The following CECR2 variants were observed in gnomAD, a reference collection of about 807,000 sequenced individuals.
The protein encoded by CECR2 is CECR2 histone acetyl-lysine reader.
A neutral mutation model predicts 154.5 loss-of-function variants in CECR2; 30 were observed. That is an observed-to-expected ratio of 0.19 (90% CI 0.15 to 0.26). CECR2 has a LOEUF of 0.26. CECR2 is among the 10% of genes least tolerant of loss of function. The pLI, the probability that CECR2 is intolerant of heterozygous loss-of-function variation, is 1.00. For missense variants in CECR2, 1,743 were observed against 1,829.3 expected (o/e 0.95, Z 0.86); for synonymous variants, 725 against 683.7 (o/e 1.06, Z -0.94).
intron 8 of CECR2, among the ~76,000 whole-genome samples, chr22:17,515,490 G>A (rs2056035095): frequency 6.6e-6 from 1 of 152,158 alleles, no homozygotes. Context: ...ATTTGCTTCA[G>A]GCTTTTCCTC....
At chr22:17,480,202 A>C (rs1291827242) in intron 2 of CECR2, among the ~76,000 whole-genome samples, 1 of 151,984 alleles carries the variant, frequency 6.6e-6, no homozygotes, top group Non-Finnish European at 1.5e-5. Context: ...TTCAGTGTTA[A>C]TACTGATGTC....
At chr22:17,403,943 A>T (rs1246376589) in intron 1 of CECR2, among the ~76,000 whole-genome samples, 1 of 151,926 alleles carries the variant, frequency 6.6e-6, no homozygotes, top group South Asian at 2.1e-4. Flanking sequence ...GGGAGGGGGC[A>T]TGTGTTTAGT....
At chr22:17,512,411 A>T (rs965604976) in intron 8 of CECR2, among the ~76,000 whole-genome samples, 4 of 151,866 alleles carry the variant, frequency 2.6e-5, no homozygotes, top group Admixed American at 2.6e-4. Flanking sequence ...AAAAAACAGT[A>T]TATATTAGAG....
At chr22:17,503,359 T>A (rs2055775109) in intron 6 of CECR2, among the ~76,000 whole-genome samples, 1 of 152,202 alleles carries the variant, frequency 6.6e-6, no homozygotes, top group African/African-American at 2.4e-5. Context: ...GTGCCCTGTT[T>A]ACTGGGGACA....
chr22:17,503,031 A>G, intron 5 of CECR2, 51 bp from the exon 6 acceptor site: 2 of 1,569,838 alleles, frequency 1.3e-6, no homozygotes, highest in East Asian at 2.3e-5. Flanking sequence ...GCACAGAACA[A>G]TTTTGGACCT....
At chr22:17,389,715 C>G (rs1313542560) in intron 1 of CECR2, among the ~76,000 whole-genome samples, 1 of 152,156 alleles carries the variant, frequency 6.6e-6, no homozygotes, top group African/African-American at 2.4e-5. Flanking sequence ...GCAACCTCCG[C>G]CTCCTGGGTT....
intron 1 of CECR2, among the ~76,000 whole-genome samples, chr22:17,407,944 G>C (rs1185055933): frequency 1.3e-5 from 2 of 152,112 alleles, no homozygotes; most frequent in Non-Finnish European, 2.9e-5. Flanking sequence ...TTAGAACATG[G>C]GTGTCCGAAA....
rs963853351 is a variant in CECR2, at chr22:17,477,249, A to G, written c.127-339A>G. The G allele has an allele frequency of 1.2e-5, 8 of 657,858 alleles. No individual in the cohort carries two copies. The East Asian group carries it at 1.6e-4, about 13-fold the overall frequency. The allele number at this position is 657,858 out of a possible 1,614,324, so 40.8% of individuals were successfully genotyped here. On this transcript the variant is annotated intron_variant, in intron 1 of 18. Coordinates refer to ENST00000262608, the MANE Select transcript of CECR2 (RefSeq NM_001290047.2). ...TAAAATAGCAGTACAGCACATTTGT[A>G]TTTATACTCGATTATATATAATCAA...
At chr22:17,539,887 G>A (rs532917565) in intron 13 of CECR2, among the ~76,000 whole-genome samples, 4 of 152,244 alleles carry the variant, frequency 2.6e-5, no homozygotes, top group Admixed American at 2.0e-4. Flanking sequence ...AAGCAGGAGT[G>A]CAGTAGGGCA....
rs1420033817 is a variant in CECR2, at chr22:17,405,047, T to G, written c.126+35138T>G. Among the ~76,000 whole-genome samples, 4 of 152,314 alleles carry G rather than the reference T, an allele frequency of 2.6e-5. No individual in the cohort carries two copies. The East Asian group carries it at 7.7e-4, about 29-fold the overall frequency. On this transcript the variant is annotated intron_variant, in intron 1 of 18. Transcript: ENST00000262608. ...TTTTATATTCAAATTCTCAACTCTT[T>G]AGGTATCTCCCATCTTTTGTCAGAT...
Position 17,542,208 on chromosome 22 carries a change from G to A in CECR2, c.2065G>A (p.Glu689Lys). The change falls in exon 16 of 19, where the codon GAG (glutamate) becomes AAG (lysine). Residue 689 changes from glutamate to lysine, a missense_variant. By Grantham distance (56) the Glu-to-Lys change is moderately conservative. This residue lies in a region of CECR2 where 1,250 missense variants were observed against 1,192.1 expected (regional missense o/e 1.05). Transcript: ENST00000262608. ...AGGACCCAGGCTAGGCACACCAGAG[G>A]AGAAGCAAATGTGCGGGGGGCTGAC... ...LRGPRLGTPE[E>K]KQMCGGLTHL... is the part of the protein sequence containing the mutation. 1 of 1,613,032 alleles carries A rather than the reference G, an allele frequency of 6.2e-7. No homozygotes were observed. Among genetic ancestry groups the A allele is most frequent in the Admixed American group, 1.7e-5 (1 of 59,866 alleles).
chr22:17,436,057 C>G lies in CECR2; in HGVS notation c.127-41531C>G, dbSNP rs139465945. On this transcript the variant is annotated intron_variant, in intron 1 of 18. Coordinates refer to ENST00000262608, the MANE Select transcript of CECR2 (RefSeq NM_001290047.2). ...CACTGCAACCTCCGCCTCCTGAGTT[C>G]AAGAGATTCTCCTGCCTCAGCCTCC... Among the ~76,000 whole-genome samples, 7 of 152,282 alleles carry G rather than the reference C, an allele frequency of 4.6e-5. No homozygotes were observed. In the East Asian group the frequency reaches 1.4e-3, roughly 29 times the overall value.
chr22:17,498,687 C>T (rs1038926037), intron 3 of CECR2, among the ~76,000 whole-genome samples: 36 of 152,156 alleles, frequency 2.4e-4, no homozygotes, highest in African/African-American at 8.2e-4. Context: ...GAGGTTATGC[C>T]GGAACTGCCA....
At chr22:17,551,060 A>G (rs1022864346) in intron 17 of CECR2, among the ~76,000 whole-genome samples, 1 of 152,040 alleles carries the variant, frequency 6.6e-6, no homozygotes. Flanking sequence ...ACTATTTAAC[A>G]TTTTGTCGTG....
intron 2 of CECR2, among the ~76,000 whole-genome samples, chr22:17,489,225 G>A (rs1282448336): frequency 2.6e-5 from 4 of 152,058 alleles, no homozygotes; most frequent in Non-Finnish European, 4.4e-5. Flanking sequence ...GAGCCACCTC[G>A]CCCGGCCTAG....
chr22:17,521,337 G>A lies in CECR2; in HGVS notation c.955-2781G>A, dbSNP rs531241496. 1.2e-4 allele frequency among the ~76,000 whole-genome samples: 19 copies of A among 152,220 alleles called. No homozygotes were observed. The South Asian group carries it at 2.5e-3, about 20-fold the overall frequency. On this transcript the variant is annotated intron_variant, in intron 8 of 18. Coordinates refer to ENST00000262608, the MANE Select transcript of CECR2 (RefSeq NM_001290047.2). The stretch of plus-strand genomic sequence containing the variant: ...AGGAGGATCACGAGGTCAGGAGATC[G>A]AGACCATCCTGGCTAACACAGTGAT...
chr22:17,493,713 G>C (rs747130728), intron 2 of CECR2, among the ~76,000 whole-genome samples: 44 of 152,078 alleles, frequency 2.9e-4, no homozygotes, highest in Admixed American at 6.6e-4. Context: ...ACATGGAATT[G>C]TTTGAGACAA....
intron 1 of CECR2, among the ~76,000 whole-genome samples, chr22:17,400,936 T>C (rs148879398): frequency 8.5e-4 from 129 of 152,144 alleles, no homozygotes; most frequent in Non-Finnish European, 1.6e-3. Context: ...CTTTTGTTGT[T>C]GTTGTTGTTT....
intron 2 of CECR2, 140 bp downstream of exon 2, chr22:17,477,822 A>T (rs949877056): frequency 1.6e-6 from 1 of 638,982 alleles, no homozygotes; most frequent in African/African-American, 1.8e-5. Flanking sequence ...ACGTACACGT[A>T]AATTTCCAGG....
Sources: allele counts gnomAD v4.1 joint callset (sites outside exome capture counted in the v4.1 genomes callset), GRCh38; gene constraint gnomAD v4.1.1; regional missense constraint gnomAD v4.1.1; transcripts MANE v1.5; gene names NCBI Gene and HGNC (gene_info 2026-07-23, HGNC 2026-07-21).